The following GABBR2 variants were observed in gnomAD, a reference collection of about 807,000 sequenced individuals.
GABBR2 encodes gamma-aminobutyric acid type B receptor subunit 2, also known as G-protein coupled receptor 51.
In GABBR2, 23 loss-of-function variants were observed where a neutral mutation model predicts 105.6. That is an observed-to-expected ratio of 0.22 (90% confidence interval 0.16 to 0.31). GABBR2 has a LOEUF of 0.31. Ranked by LOEUF, GABBR2 falls within the 10% of genes least tolerant of loss-of-function variation. GABBR2 has a pLI of 1.00. For synonymous variants in GABBR2, 478 were observed against 499.7 expected (o/e 0.96, Z 0.58); for missense variants, 734 against 1,245.5 (o/e 0.59, Z 6.18).
intron 11 of GABBR2, among the ~76,000 whole-genome samples, chr9:98,380,849 T>C (rs1353325787): frequency 6.6e-6 from 1 of 152,218 alleles, no homozygotes; most frequent in Non-Finnish European, 1.5e-5. Context: ...AGGCCTAATC[T>C]TGTGACTGTC....
At chr9:98,457,609 G>A (rs185540831) in intron 6 of GABBR2, among the ~76,000 whole-genome samples, 45 of 152,258 alleles carry the variant, frequency 3.0e-4, no homozygotes, top group African/African-American at 1.0e-3. Flanking sequence ...CTGGAAACAC[G>A]GCTCTTTACC....
intron 1 of GABBR2, among the ~76,000 whole-genome samples, chr9:98,616,764 AG>A (rs1829592496): frequency 1.3e-5 from 2 of 151,294 alleles, no homozygotes; most frequent in East Asian, 3.9e-4. Flanking sequence ...AAAAAAAAAA[AG>A]AAAGAAAAGT....
chr9:98,393,369 A>ATCCATCCATCCATCCATCCATC (rs777319229), intron 9 of GABBR2, among the ~76,000 whole-genome samples: 1 of 143,656 alleles, frequency 7.0e-6, no homozygotes, highest in African/African-American at 2.7e-5. Context: ...CCATCCATCC[A>ATCCATCCATCCATCCATCCATC]CACACCCACT....
At chr9:98,650,834 A>G (rs1359370120) in intron 1 of GABBR2, among the ~76,000 whole-genome samples, 1 of 152,244 alleles carries the variant, frequency 6.6e-6, no homozygotes, top group South Asian at 2.1e-4. Context: ...AGTCAACTAT[A>G]TTATTCCACT....
chr9:98,466,695 G>C (rs770141413), intron 6 of GABBR2, among the ~76,000 whole-genome samples: 14 of 152,206 alleles, frequency 9.2e-5, no homozygotes. Context: ...TTTTACAGAT[G>C]AGAGACAAAC....
rs1588236457 is a variant in GABBR2 at position 98,578,069 on chromosome 9, C to T, written c.325G>A (p.Asp109Asn). The change falls in exon 2 of 19, where the codon GAC (aspartate) becomes AAC (asparagine). Residue 109 changes from aspartate (D) to asparagine (N), a missense_variant. Coordinates refer to ENST00000259455, the MANE Select transcript of GABBR2 (RefSeq NM_005458.8). Reference protein sequence around the residue: ...LDLRLYDTECDNAKGLKAFYD... With the variant: ...LDLRLYDTECNNAKGLKAFYD... ...AAGGCTTTCAACCCTTTTGCGTTGT[C>T]GCACTGGGAAGCAACACATAGAAAG... is the stretch of plus-strand genomic sequence containing the variant. 2 of 1,613,698 alleles carry T rather than the reference C, an allele frequency of 1.2e-6. No homozygotes were observed. The highest frequency in any genetic ancestry group is 1.7e-6 in the Non-Finnish European group (2 of 1,179,870).
At chr9:98,620,995 G>A (rs1419977864) in intron 1 of GABBR2, among the ~76,000 whole-genome samples, 1 of 152,162 alleles carries the variant, frequency 6.6e-6, no homozygotes, top group East Asian at 1.9e-4. Flanking sequence ...GCACAGCAAT[G>A]GCTCAGTGGG....
At chr9:98,426,777 G>A (rs1329230882) in intron 7 of GABBR2, among the ~76,000 whole-genome samples, 1 of 152,228 alleles carries the variant, frequency 6.6e-6, no homozygotes. Flanking sequence ...GAGGTGGGCA[G>A]ATCAACTTGA....
At position 98,340,188 on chromosome 9, in the gene GABBR2, T is replaced by G. The variant is rs554071660; in HGVS notation, c.1893+22527A>C. Among the ~76,000 whole-genome samples, 394 of 152,064 alleles carry G rather than the reference T, an allele frequency of 2.6e-3. 1 individual carries two copies. The highest frequency in any genetic ancestry group is 9.2e-3 in the African/African-American group (383 of 41,504). On this transcript the variant is annotated intron_variant, in intron 13 of 18. Coordinates refer to ENST00000259455, the MANE Select transcript of GABBR2 (RefSeq NM_005458.8). Reference sequence around the variant, plus strand: ...TTGCTTTAATCCAGTGAGGGGTTTTTTTTTTTTTTTTGTTACTACAGCAAA... The same window carrying G: ...TTGCTTTAATCCAGTGAGGGGTTTTGTTTTTTTTTTTGTTACTACAGCAAA...
At chr9:98,600,786 G>A (rs765319680) in intron 1 of GABBR2, among the ~76,000 whole-genome samples, 122 of 152,172 alleles carry the variant, frequency 8.0e-4, no homozygotes, top group Non-Finnish European at 1.2e-3. Flanking sequence ...GAGTATCCAC[G>A]GAACCGTGCC....
In GABBR2 at chr9:98,466,069, A is replaced by G. The variant is rs143568151; in HGVS notation, c.999+7077T>C. Among the ~76,000 whole-genome samples, 1,246 of 152,196 alleles carry G rather than the reference A, an allele frequency of 8.2e-3. 12 individuals carry two copies. Among genetic ancestry groups the G allele is most frequent in the Middle Eastern group, 0.014 (4 of 294 alleles). Reference sequence around the variant, plus strand: ...CCTCCTGCTTCCTTCTGCTCCAGACATGCCTGCTTCCGCTTTGCCTTCTGC... The same window carrying G: ...CCTCCTGCTTCCTTCTGCTCCAGACGTGCCTGCTTCCGCTTTGCCTTCTGC... On this transcript the variant is annotated intron_variant, in intron 6 of 18. Coordinates refer to ENST00000259455, the MANE Select transcript of GABBR2 (RefSeq NM_005458.8).
At chr9:98,509,254 C>T (rs1320744153) in intron 3 of GABBR2, among the ~76,000 whole-genome samples, 1 of 152,096 alleles carries the variant, frequency 6.6e-6, no homozygotes, top group Non-Finnish European at 1.5e-5. Flanking sequence ...AAAGCCACAC[C>T]AAAAACCCCA....
intron 2 of GABBR2, among the ~76,000 whole-genome samples, chr9:98,560,900 G>A (rs1482932314): frequency 6.6e-6 from 1 of 151,438 alleles, no homozygotes; most frequent in Non-Finnish European, 1.5e-5. Flanking sequence ...TAACTAAATA[G>A]TTCAGAGTGC....
intron 7 of GABBR2, among the ~76,000 whole-genome samples, chr9:98,428,647 A>G (rs1178202213): frequency 2.0e-5 from 3 of 152,254 alleles, no homozygotes; most frequent in Non-Finnish European, 4.4e-5. Context: ...GCCAATCAAT[A>G]CAGACTATTC....
chr9:98,614,751 G>A (rs1829556272), intron 1 of GABBR2, among the ~76,000 whole-genome samples: 1 of 147,458 alleles, frequency 6.8e-6, no homozygotes, highest in South Asian at 2.3e-4. Flanking sequence ...AGGGGGAAAG[G>A]AGAATGGAGA....
chr9:98,477,398 C>A (rs1022743963), intron 5 of GABBR2, among the ~76,000 whole-genome samples: 1 of 152,168 alleles, frequency 6.6e-6, no homozygotes, highest in Non-Finnish European at 1.5e-5. Context: ...TGATACCACG[C>A]CCAGCTAATT....
At chr9:98,332,074 A>T (rs1318111746) in intron 13 of GABBR2, among the ~76,000 whole-genome samples, 1 of 152,200 alleles carries the variant, frequency 6.6e-6, no homozygotes, top group Non-Finnish European at 1.5e-5. Context: ...TGGGGTATGA[A>T]GGAGCCGAGC....
chr9:98,422,520 GTC>G (rs1485870123), intron 7 of GABBR2, among the ~76,000 whole-genome samples: 4 of 146,552 alleles, frequency 2.7e-5, no homozygotes, highest in African/African-American at 1.0e-4. Context: ...GTGTGTGTGT[GTC>G]TGTGTGTGTG....
In GABBR2 at chr9:98,289,741, A is replaced by G. The variant is rs1451388556; in HGVS notation, c.*843T>C. On this transcript the variant is annotated 3_prime_UTR_variant, in exon 19 of 19. Coordinates refer to ENST00000259455, the MANE Select transcript of GABBR2 (RefSeq NM_005458.8). ...TGCTGGGAACAGACATTCCATGATT[A>G]GCTCGGGTGGTCCCCCTGGTTACTG... 1.3e-5 allele frequency: 2 copies of G among 152,644 alleles called. No individual in the cohort carries two copies. Among genetic ancestry groups the G allele is most frequent in the African/African-American group, 2.4e-5 (1 of 41,440 alleles). The allele number at this position is 152,644 out of a possible 1,614,324, so 9.5% of individuals were successfully genotyped here.
Sources: gnomAD v4.1 joint callset for allele counts (sites outside exome capture counted in the v4.1 genomes callset) on GRCh38, gnomAD v4.1.1 for gene constraint, MANE v1.5 for transcripts, NCBI Gene and HGNC (gene_info 2026-07-23, HGNC 2026-07-21) for gene names.